KLHL2: variants seen among roughly 807,000 people sequenced by gnomAD.
KLHL2 encodes kelch like family member 2.
In KLHL2, 15 loss-of-function variants were observed where a neutral mutation model predicts 75.8. The observed-to-expected ratio is 0.20, with a 90% CI of 0.13 to 0.30. The LOEUF is 0.30. KLHL2 is among the 10% of genes least tolerant of loss of function. The probability of loss-of-function intolerance (pLI) is 1.00; values close to 1 mark genes in which losing one functional copy is unlikely to be tolerated. For missense variants in KLHL2, 381 were observed against 741.0 expected, an observed-to-expected ratio of 0.51 and a Z score of 5.64; for synonymous variants, 214 against 251.9, an observed-to-expected ratio of 0.85 and a Z score of 1.42.
At chr4:165,262,874 C>T (rs1314734181) in intron 4 of KLHL2, among the ~76,000 whole-genome samples, 1 of 152,128 alleles carries the variant, frequency 6.6e-6, no homozygotes, top group Non-Finnish European at 1.5e-5. Flanking sequence ...TCACCATGCC[C>T]TGCCAAGAAT....
chr4:165,297,767 G>A (rs1745026379), intron 7 of KLHL2, 42 bp downstream of exon 7: 1 of 1,163,110 alleles, frequency 8.6e-7, no homozygotes, highest in African/African-American at 1.5e-5. Context: ...ACAGCACTGT[G>A]TCACTGGCCT....
At chr4:165,246,429 G>A (rs1740267129) in intron 4 of KLHL2, among the ~76,000 whole-genome samples, 1 of 151,974 alleles carries the variant, frequency 6.6e-6, no homozygotes. Context: ...CTGCTAGCTG[G>A]AGGATGGACT....
chr4:165,294,419 T>C lies in KLHL2; in HGVS notation c.605T>C (p.Val202Ala), dbSNP rs1472091311. ...EEFLNLGIEQ[V>A]CSLISSDKLT... ...TTTCTCAATCTTGGCATCGAACAAG[T>C]GTGCAGCTTAATCTCAAGTGACAAA... Residue 202 changes from valine (V) to alanine (A), a missense_variant, in exon 6 of 15, where the codon GTG becomes GCG. Val to Ala is a moderately conservative substitution (Grantham distance 64). Transcript: ENST00000226725. 2 of 1,611,800 alleles carry C rather than the reference T, an allele frequency of 1.2e-6. No individual in the cohort carries two copies. Among genetic ancestry groups the C allele is most frequent in the African/African-American group, 2.7e-5 (2 of 74,998 alleles).
intron 2 of KLHL2, among the ~76,000 whole-genome samples, chr4:165,226,118 A>T (rs1738411079): frequency 1.3e-5 from 2 of 152,226 alleles, no homozygotes; most frequent in South Asian, 4.1e-4. Context: ...TACTGACAAA[A>T]GGAAAATAGG....
chr4:165,248,755 G>C (rs1171548162), intron 4 of KLHL2, among the ~76,000 whole-genome samples: 1 of 152,206 alleles, frequency 6.6e-6, no homozygotes, highest in African/African-American at 2.4e-5. Context: ...CAGGTTTTGT[G>C]AAACTTTGAG....
chr4:165,279,000 C>G, intron 5 of KLHL2: 6 of 1,495,338 alleles, frequency 4.0e-6, no homozygotes, highest in Non-Finnish European at 5.6e-6. Context: ...AGTTGTTTAT[C>G]CCATTCCAAA....
At chr4:165,311,823 G>C (rs1401772356) in intron 11 of KLHL2, among the ~76,000 whole-genome samples, 9 of 151,378 alleles carry the variant, frequency 5.9e-5, no homozygotes, top group African/African-American at 1.9e-4. Context: ...GTGTGTGTGT[G>C]TGTGTGTGTG....
chr4:165,253,282 C>T (rs1365658592), intron 4 of KLHL2, among the ~76,000 whole-genome samples: 1 of 152,192 alleles, frequency 6.6e-6, no homozygotes, highest in Non-Finnish European at 1.5e-5. Flanking sequence ...GATCCAACCG[C>T]CTCGGCCTCC....
At chr4:165,260,102 A>T (rs142769578) in intron 4 of KLHL2, among the ~76,000 whole-genome samples, 1,673 of 152,262 alleles carry the variant, frequency 0.011, 23 homozygotes, top group African/African-American at 0.036. Context: ...TCAGTGACTG[A>T]TGGTCACCAG....
Position 165,207,873 on chromosome 4 carries a change from C to A in KLHL2, c.-4C>A. The A allele has an allele frequency of 6.9e-7, 1 of 1,449,174 alleles. No individual in the cohort carries two copies. The highest frequency in any genetic ancestry group is 2.4e-5 in the Admixed American group (1 of 41,812). 89.8% of individuals were successfully genotyped at this position (1,449,174 alleles called of 1,614,324 possible). On this transcript the variant is annotated 5_prime_UTR_variant, in exon 1 of 15. Coordinates refer to ENST00000226725, the MANE Select transcript of KLHL2 (RefSeq NM_007246.4). This position sits in a 1 kb window ranked among gnomAD's most constrained non-coding sequence, Gnocchi z 4.2. ...CTGCGTTCTGAAGCCCGAGAGGAGC[C>A]ACAATGGAGACGCCGCCGCTGCCTC...
chr4:165,266,280 C>G (rs575832120), intron 5 of KLHL2, among the ~76,000 whole-genome samples: 2 of 152,294 alleles, frequency 1.3e-5, no homozygotes, highest in African/African-American at 4.8e-5. Flanking sequence ...TGCCTCTTCA[C>G]TCTGATGATA....
At chr4:165,264,350 T>C (rs933379969) in intron 5 of KLHL2, among the ~76,000 whole-genome samples, 1 of 151,606 alleles carries the variant, frequency 6.6e-6, no homozygotes, top group Non-Finnish European at 1.5e-5. Context: ...TAATCGGTAG[T>C]TTTTCATCCA....
intron 4 of KLHL2, among the ~76,000 whole-genome samples, chr4:165,239,739 G>T (rs576751066): frequency 6.6e-6 from 1 of 152,076 alleles, no homozygotes; most frequent in African/African-American, 2.4e-5. Flanking sequence ...TTTAGAAAAC[G>T]GACCTTCTCT....
intron 5 of KLHL2, among the ~76,000 whole-genome samples, chr4:165,283,049 A>G (rs929036061): frequency 2.0e-5 from 3 of 152,060 alleles, no homozygotes; most frequent in African/African-American, 7.3e-5. Context: ...CATGATACCT[A>G]TTCACTATCA....
chr4:165,251,602 G>GTT (rs1017159215), intron 4 of KLHL2, among the ~76,000 whole-genome samples: 12 of 140,158 alleles, frequency 8.6e-5, no homozygotes, highest in Non-Finnish European at 1.1e-4. Context: ...ACCCAAAGTG[G>GTT]TTTTTTTTTT....
chr4:165,299,620 C>T lies in KLHL2; in HGVS notation c.885C>T (p.Val295=). 6.2e-7 allele frequency: 1 copy of T among 1,613,156 alleles called. No individual in the cohort carries two copies. Among genetic ancestry groups the T allele is most frequent in the Non-Finnish European group, 8.5e-7 (1 of 1,179,740 alleles). The stretch of plus-strand genomic sequence containing the variant: ...AGCAGCGTATATTAATGAAGAGTGT[C>T]CGGACCCGGCTGAGGACACCCATGA... ...PTEQRILMKS[V]RTRLRTPMNL... Residue 295 remains valine (V), a synonymous_variant, in exon 8 of 15, where the codon GTC becomes GTT. Transcript: ENST00000226725.
chr4:165,253,863 CCT>C (rs1186442693), intron 4 of KLHL2, among the ~76,000 whole-genome samples: 3 of 152,066 alleles, frequency 2.0e-5, no homozygotes, highest in African/African-American at 7.2e-5. Context: ...AGTAGTCGTC[CCT>C]GTTTATTGAT....
intron 9 of KLHL2, among the ~76,000 whole-genome samples, chr4:165,307,254 G>A (rs1745804391): frequency 6.6e-6 from 1 of 152,202 alleles, no homozygotes; most frequent in Non-Finnish European, 1.5e-5. Flanking sequence ...GTTGCAGTGA[G>A]CCAAGACCTC....
chr4:165,255,392 G>A lies in KLHL2; in HGVS notation c.382-7805G>A, dbSNP rs181835705. 2.6e-5 allele frequency among the ~76,000 whole-genome samples: 4 copies of A among 152,222 alleles called. No homozygotes were observed. In the East Asian group the frequency reaches 7.7e-4, roughly 29 times the overall value. On this transcript the variant is annotated intron_variant, in intron 4 of 14. Coordinates refer to ENST00000226725, the MANE Select transcript of KLHL2 (RefSeq NM_007246.4). Reference sequence around the variant, plus strand: ...TAATCAGACAGTTTTTTTGTGGGGAGGGGGAGGTTGTTTTTGTTTTTTTTA... The same window carrying A: ...TAATCAGACAGTTTTTTTGTGGGGAAGGGGAGGTTGTTTTTGTTTTTTTTA...
Sources: gnomAD v4.1 joint callset for allele counts (sites outside exome capture counted in the v4.1 genomes callset) on GRCh38, gnomAD v4.1.1 for gene constraint, Gnocchi (gnomAD v3.1) non-coding constraint, MANE v1.5 for transcripts, NCBI Gene and HGNC (gene_info 2026-07-23, HGNC 2026-07-21) for gene names.